Variants in DMD observed in about 807,000 individuals in gnomAD.
The protein encoded by DMD is dystrophin, also known as mutant dystrophin.
Under a neutral mutation model 330.1 loss-of-function variants are expected in DMD, and 63 were observed. The ratio of observed to expected loss-of-function variants is 0.19; its 90% confidence interval spans 0.16 to 0.24. The LOEUF is 0.24. Among genes scored for constraint, DMD ranks in the 10% least tolerant of loss-of-function variants. The pLI, the probability that DMD is intolerant of heterozygous loss-of-function variation, is 1.00. For missense variants in DMD, 3,344 were observed against 2,684.1 expected (o/e 1.25, Z -5.43); for synonymous variants, 1,223 against 959.8 (o/e 1.27, Z -5.07).
chrX:33,003,952 G>A (rs999348088), intron 2 of DMD, among the ~76,000 whole-genome samples: 2 of 112,197 alleles, frequency 1.8e-5, no homozygotes, highest in African/African-American at 6.5e-5. Context: ...TCTTAAAAGA[G>A]AGAAACTAAA....
intron 60 of DMD, among the ~76,000 whole-genome samples, chrX:31,358,133 C>T (rs903257601): frequency 9.2e-6 from 1 of 108,433 alleles, no homozygotes; most frequent in Non-Finnish European, 1.9e-5. Flanking sequence ...CATTCCCCCT[C>T]ACCCCACCCC....
intron 44 of DMD, among the ~76,000 whole-genome samples, chrX:32,085,597 T>C (rs1330068215): frequency 2.0e-5 from 2 of 102,055 alleles, no homozygotes; most frequent in Admixed American, 1.1e-4. Flanking sequence ...CACATATATG[T>C]ATATATGTGT....
At chrX:31,973,508 A>G (rs1159284985) in intron 44 of DMD, among the ~76,000 whole-genome samples, 4 of 110,543 alleles carry the variant, frequency 3.6e-5, no homozygotes, top group African/African-American at 1.3e-4. Flanking sequence ...TGTTAGTACA[A>G]CAGGGAGCAT....
chrX:31,550,388 GAAC>G (rs2074405161), intron 55 of DMD, among the ~76,000 whole-genome samples: 1 of 112,085 alleles, frequency 8.9e-6, no homozygotes, highest in Admixed American at 9.4e-5. Flanking sequence ...GTCAGCAACA[GAAC>G]AATAAACACA....
At chrX:31,443,139 G>T (rs1238340761) in intron 60 of DMD, among the ~76,000 whole-genome samples, 1 of 111,316 alleles carries the variant, frequency 9.0e-6, no homozygotes, top group African/African-American at 3.3e-5. Flanking sequence ...GCATCCTGTT[G>T]GAAAGGAGAA....
intron 43 of DMD, among the ~76,000 whole-genome samples, chrX:32,275,607 G>C (rs1054168825): frequency 6.3e-5 from 7 of 111,796 alleles, no homozygotes; most frequent in Non-Finnish European, 1.3e-4. Context: ...AAGTGTTTTG[G>C]TGTGTCAGTT....
At chrX:31,430,992 A>G (rs1248712934) in intron 60 of DMD, among the ~76,000 whole-genome samples, 2 of 107,589 alleles carry the variant, frequency 1.9e-5, no homozygotes, top group South Asian at 4.2e-4. Context: ...CAGTAGAGAC[A>G]GGATTTCACC....
chrX:31,365,628 A>C (rs914078077), intron 60 of DMD, among the ~76,000 whole-genome samples: 4 of 112,307 alleles, frequency 3.6e-5, no homozygotes, highest in African/African-American at 9.7e-5. Flanking sequence ...TCTTTTTAAA[A>C]TTGTATTAAA....
intron 2 of DMD, among the ~76,000 whole-genome samples, chrX:32,920,927 T>A (rs749983807): frequency 3.8e-4 from 43 of 111,918 alleles, no homozygotes; most frequent in African/African-American, 1.3e-3. Flanking sequence ...AGAAGGTGTT[T>A]TTTTGGATGT....
rs980793157 is a variant in DMD at position 32,520,904 on chromosome X, C to T, written c.2169-2773G>A. Among the ~76,000 whole-genome samples the T allele has an allele frequency of 3.0e-5, 3 of 100,815 alleles. No individual in the cohort carries two copies. The Admixed American group carries it at 3.3e-4, about 11-fold the overall frequency. The allele number at this position is 100,815 out of a possible 115,157, so 87.5% of individuals were successfully genotyped here. On this transcript the variant is annotated intron_variant, in intron 17 of 78. Transcript: ENST00000357033. ...TAAGTCTCTACAGGAACTATTAAAA[C>T]CTTTTATCAAAGCTCTGGCCCATCC...
chrX:31,315,159 C>T (rs1404009688), intron 62 of DMD, among the ~76,000 whole-genome samples: 1 of 111,416 alleles, frequency 9.0e-6, no homozygotes, highest in Non-Finnish European at 1.9e-5. Context: ...TACGTGGGAA[C>T]GCTAAGAATG....
intron 44 of DMD, among the ~76,000 whole-genome samples, chrX:32,070,557 C>T (rs1277434541): frequency 2.7e-5 from 3 of 110,431 alleles, no homozygotes; most frequent in African/African-American, 9.9e-5. Flanking sequence ...GCCCATCAAT[C>T]GACAAGTAGA....
At chrX:31,800,778 G>C (rs2092025192) in intron 50 of DMD, among the ~76,000 whole-genome samples, 1 of 111,540 alleles carries the variant, frequency 9.0e-6, no homozygotes, top group Non-Finnish European at 1.9e-5. Flanking sequence ...CAGATCTCTA[G>C]GCCAGGGGAA....
intron 1 of DMD, among the ~76,000 whole-genome samples, chrX:33,283,996 C>G (rs1027402421): frequency 9.0e-6 from 1 of 110,523 alleles, no homozygotes; most frequent in Non-Finnish European, 1.9e-5. Flanking sequence ...CCAGCCTGGG[C>G]GACAGAGAAA....
chrX:32,244,041 G>A (rs2097220202), intron 43 of DMD, among the ~76,000 whole-genome samples: 1 of 101,135 alleles, frequency 9.9e-6, no homozygotes, highest in South Asian at 5.1e-4. Context: ...TGCCATGCTG[G>A]TGCGCTGCAC....
intron 44 of DMD, among the ~76,000 whole-genome samples, chrX:32,001,766 T>C (rs1324889874): frequency 9.0e-6 from 1 of 111,636 alleles, no homozygotes; most frequent in African/African-American, 3.3e-5. Context: ...ATGATTTCAC[T>C]AATATTATAT....
At chrX:31,342,221 C>G (rs764189947) in intron 61 of DMD, among the ~76,000 whole-genome samples, 1 of 111,790 alleles carries the variant, frequency 8.9e-6, no homozygotes, top group Non-Finnish European at 1.9e-5. Context: ...GGACTTGACC[C>G]TTTTGCCTCA....
chrX:33,295,703 T>C (rs1311715659), intron 1 of DMD, among the ~76,000 whole-genome samples: 1 of 111,185 alleles, frequency 9.0e-6, no homozygotes, highest in African/African-American at 3.3e-5. Flanking sequence ...GCAATAAACA[T>C]CCTGACAATT....
chrX:31,285,879 T>C (rs1351379181), intron 62 of DMD, among the ~76,000 whole-genome samples: 1 of 111,745 alleles, frequency 8.9e-6, no homozygotes, highest in African/African-American at 3.3e-5. Flanking sequence ...CAGAAGCTGA[T>C]TGATTATGTA....
Sources: gnomAD v4.1 joint callset for allele counts (sites outside exome capture counted in the v4.1 genomes callset) on GRCh38, gnomAD v4.1.1 for gene constraint, MANE v1.5 for transcripts, NCBI Gene and HGNC (gene_info 2026-07-23, HGNC 2026-07-21) for gene names.